The following CTNND2 variants were observed in gnomAD, a reference collection of about 807,000 sequenced individuals.
CTNND2 encodes catenin delta-2.
Under a neutral mutation model 144.4 loss-of-function variants are expected in CTNND2, and 22 were observed. That is an observed-to-expected ratio of 0.15 (90% CI 0.11 to 0.22). The LOEUF (loss-of-function observed/expected upper bound fraction) is 0.22. Ranked by LOEUF, CTNND2 falls within the 10% of genes least tolerant of loss-of-function variation. The pLI is 1.00. For synonymous variants in CTNND2, 751 were observed against 695.6 expected, an observed-to-expected ratio of 1.08 and a Z score of -1.25; for missense variants, 1,353 against 1,618.8, an observed-to-expected ratio of 0.84 and a Z score of 2.82.
At chr5:11,688,985 A>T (rs1261917536) in intron 2 of CTNND2, among the ~76,000 whole-genome samples, 1 of 152,180 alleles carries the variant, frequency 6.6e-6, no homozygotes, top group Non-Finnish European at 1.5e-5. Context: ...CTGCCAAGAG[A>T]CACCAAGATG....
At chr5:11,240,869 C>A (rs1355038614) in intron 9 of CTNND2, among the ~76,000 whole-genome samples, 1 of 144,774 alleles carries the variant, frequency 6.9e-6, no homozygotes, top group Non-Finnish European at 1.5e-5. Flanking sequence ...ACTCAGCACA[C>A]ACACCCCAAC....
At chr5:11,590,289 T>C (rs1779149089) in intron 2 of CTNND2, among the ~76,000 whole-genome samples, 1 of 152,134 alleles carries the variant, frequency 6.6e-6, no homozygotes, top group South Asian at 2.1e-4. Flanking sequence ...GTGATCCGCC[T>C]GCCTTGGCCT....
intron 11 of CTNND2, among the ~76,000 whole-genome samples, chr5:11,189,922 C>A (rs559830947): frequency 3.6e-4 from 55 of 152,270 alleles, no homozygotes; most frequent in African/African-American, 1.3e-3. Context: ...TTTGGGGAAG[C>A]AATTAGGAAT....
At chr5:11,152,209 C>G (rs1442860327) in intron 12 of CTNND2, among the ~76,000 whole-genome samples, 1 of 152,162 alleles carries the variant, frequency 6.6e-6, no homozygotes, top group African/African-American at 2.4e-5. Context: ...ATAATGATGA[C>G]CTAAATGCAT....
chr5:11,290,856 T>C (rs1748263271), intron 9 of CTNND2, among the ~76,000 whole-genome samples: 2 of 152,290 alleles, frequency 1.3e-5, no homozygotes, highest in Admixed American at 6.5e-5. Flanking sequence ...TAACTTCATA[T>C]AGTCAAGCAG....
intron 9 of CTNND2, among the ~76,000 whole-genome samples, chr5:11,308,052 G>A (rs545737096): frequency 2.0e-5 from 3 of 152,248 alleles, no homozygotes; most frequent in Admixed American, 6.5e-5. Context: ...CACAACGAAC[G>A]TGCTGCTGTC....
At chr5:11,595,733 A>T (rs1018874933) in intron 2 of CTNND2, among the ~76,000 whole-genome samples, 1 of 152,220 alleles carries the variant, frequency 6.6e-6, no homozygotes, top group Non-Finnish European at 1.5e-5. Context: ...TGAAATTCAC[A>T]TGCTTTTACA....
chr5:11,562,224 C>T (rs1222035998), intron 3 of CTNND2, among the ~76,000 whole-genome samples: 3 of 152,090 alleles, frequency 2.0e-5, no homozygotes, highest in Non-Finnish European at 4.4e-5. Flanking sequence ...TTTACTCACT[C>T]GCTAGTATCA....
chr5:11,824,108 A>AAAAAAC (rs1449415665), intron 1 of CTNND2, among the ~76,000 whole-genome samples: 2 of 151,802 alleles, frequency 1.3e-5, no homozygotes, highest in African/African-American at 4.8e-5. Context: ...AAAAAAAAAA[A>AAAAAAC]AAAAACCATG....
intron 3 of CTNND2, among the ~76,000 whole-genome samples, chr5:11,475,804 G>A (rs1002365789): frequency 6.6e-6 from 1 of 151,866 alleles, no homozygotes; most frequent in South Asian, 2.1e-4. Context: ...GGTAAACCTG[G>A]ATGGACTCTT....
chr5:11,233,654 C>G (rs868679442), intron 10 of CTNND2, among the ~76,000 whole-genome samples: 1 of 151,922 alleles, frequency 6.6e-6, no homozygotes, highest in African/African-American at 2.4e-5. Flanking sequence ...ACAGTTTGAT[C>G]TTGGAGTGAG....
intron 2 of CTNND2, among the ~76,000 whole-genome samples, chr5:11,620,481 T>C (rs1443380837): frequency 6.6e-6 from 1 of 152,202 alleles, no homozygotes; most frequent in Non-Finnish European, 1.5e-5. Flanking sequence ...CCCAGCCTTA[T>C]TCTTCCTTCA....
At chr5:11,637,697 T>G (rs1781785144) in intron 2 of CTNND2, among the ~76,000 whole-genome samples, 1 of 152,174 alleles carries the variant, frequency 6.6e-6, no homozygotes, top group South Asian at 2.1e-4. Context: ...CTGAGCAACA[T>G]CAATCTTCTC....
chr5:11,040,175 G>A (rs374574678), intron 16 of CTNND2, among the ~76,000 whole-genome samples: 61 of 152,294 alleles, frequency 4.0e-4, no homozygotes, highest in African/African-American at 1.3e-3. Context: ...GAACCCGGGA[G>A]GTGGAGGTTG....
intron 9 of CTNND2, among the ~76,000 whole-genome samples, chr5:11,253,366 T>A (rs1175315988): frequency 6.6e-6 from 1 of 152,238 alleles, no homozygotes; most frequent in Non-Finnish European, 1.5e-5. Context: ...GTAGCTCCCA[T>A]AATTCCCAAG....
chr5:11,895,740 CAATATA>C (rs1343496706), intron 1 of CTNND2, among the ~76,000 whole-genome samples: 1 of 151,534 alleles, frequency 6.6e-6, no homozygotes, highest in Non-Finnish European at 1.5e-5. Context: ...TATAGACAAA[CAATATA>C]AATCAATTTT....
intron 16 of CTNND2, among the ~76,000 whole-genome samples, chr5:11,044,289 G>C (rs1744990589): frequency 1.3e-5 from 2 of 152,286 alleles, no homozygotes; most frequent in South Asian, 2.1e-4. Flanking sequence ...AGGGAGGTGA[G>C]TGATCATCTG....
chr5:11,741,677 C>A (rs1232477803), intron 1 of CTNND2, among the ~76,000 whole-genome samples: 1 of 151,214 alleles, frequency 6.6e-6, no homozygotes, highest in East Asian at 1.9e-4. Flanking sequence ...ACATAACAAA[C>A]CTGCACGTTG....
chr5:11,421,256 A>G (rs920417540), intron 3 of CTNND2, among the ~76,000 whole-genome samples: 1 of 152,190 alleles, frequency 6.6e-6, no homozygotes, highest in Admixed American at 6.5e-5. Flanking sequence ...TTCCCTGCCC[A>G]TTCCCAGAAA....
Sources: gnomAD v4.1 joint callset for allele counts (sites outside exome capture counted in the v4.1 genomes callset) on GRCh38, gnomAD v4.1.1 for gene constraint, MANE v1.5 for transcripts, NCBI Gene and HGNC (gene_info 2026-07-23, HGNC 2026-07-21) for gene names.